The following GEMIN4 variants were observed in gnomAD, a reference collection of about 807,000 sequenced individuals.
GEMIN4 encodes gem nuclear organelle associated protein 4.
A neutral mutation model predicts 76.8 loss-of-function variants in GEMIN4; 59 were observed. That is an observed-to-expected ratio of 0.77 (90% CI 0.62 to 0.95). GEMIN4 has a LOEUF of 0.95. GEMIN4 is among the 40% of genes least tolerant of loss of function. GEMIN4 has a pLI of 0.00. For missense variants in GEMIN4, 1,311 were observed against 1,318.9 expected (o/e 0.99, Z 0.09); for synonymous variants, 562 against 559.7 (o/e 1.00, Z -0.06).
chr17:746,898 C>T lies in GEMIN4; in HGVS notation c.1145G>A (p.Cys382Tyr). 1.2e-6 allele frequency: 2 copies of T among 1,613,666 alleles called. No individual in the cohort carries two copies. Among genetic ancestry groups the T allele is most frequent in the Non-Finnish European group, 1.7e-6 (2 of 1,179,714 alleles). The change falls in exon 2 of 2, where the codon TGT becomes TAT. Residue 382 changes from cysteine (C) to tyrosine (Y), a missense_variant. Around this residue, in one of 2 missense-constraint regions of GEMIN4, gnomAD observed 1,208 missense variants for 1,166.9 expected, o/e 1.04. Transcript: ENST00000319004. The surrounding 1 kb of genome is among the most constrained non-coding windows in gnomAD (Gnocchi z 4.3). ...CGTTTTCCTCAGGAAGTCCCTGACACACTCCGCCAGCTCAGAGACCACCTG... is the reference window on the plus strand; with the variant it reads ...CGTTTTCCTCAGGAAGTCCCTGACATACTCCGCCAGCTCAGAGACCACCTG... ...DRQVVSELAE[C>Y]VRDFLRKTST...
upstream of GEMIN4, chr17:752,299 C>T: frequency 8.2e-7 from 1 of 1,224,062 alleles, no homozygotes; most frequent in Non-Finnish European, 1.0e-6. Context: ...ACAGCCTCCG[C>T]CGCGCACGCG....
In GEMIN4 at chr17:748,452, A is replaced by G. The variant is rs180760973; in HGVS notation, c.11-420T>C. On this transcript the variant is annotated intron_variant, in intron 1 of 1. Transcript: ENST00000319004. ...GGGATCACCGGAACCAAGACGGTGA[A>G]TGAGATCCTTCAGGAAAAGTGTGTG... 185 of 179,298 alleles carry G rather than the reference A, an allele frequency of 1.0e-3. 1 individual carries two copies. The highest frequency in any genetic ancestry group is 4.2e-3 in the African/African-American group (175 of 42,056). The allele number at this position is 179,298 out of a possible 1,614,324, so 11.1% of individuals were successfully genotyped here.
chr17:747,393 G>C lies in GEMIN4; in HGVS notation c.650C>G (p.Ala217Gly). The change falls in exon 2 of 2, where the codon GCC (alanine) becomes GGC (glycine). Residue 217 changes from alanine (A) to glycine (G), a missense_variant. Coordinates refer to ENST00000319004, the MANE Select transcript of GEMIN4 (RefSeq NM_015721.3). ...CTGTGTCAGCCCGCGGAGCAGCATG[G>C]CCAACAGGGGCATGGTGGGGCACGC... ...PDACPTMPLL[A>G]MLLRGLTQIQ... 1 of 1,613,806 alleles carries C rather than the reference G, an allele frequency of 6.2e-7. No homozygotes were observed. The highest frequency in any genetic ancestry group is 8.5e-7 in the Non-Finnish European group (1 of 1,179,870).
intron 1 of GEMIN4, chr17:750,126 C>G (rs1199326484): frequency 3.1e-6 from 1 of 327,160 alleles, no homozygotes; most frequent in Non-Finnish European, 4.4e-6. Context: ...GGGGCTGAGG[C>G]AGGTGGATCC....
In GEMIN4 at chr17:746,737, C is replaced by T. The variant is rs767299094; in HGVS notation, c.1306G>A (p.Glu436Lys). 1.1e-5 allele frequency: 18 copies of T among 1,613,574 alleles called. No homozygotes were observed. The highest frequency in any genetic ancestry group is 8.3e-5 in the Admixed American group (5 of 59,992). Residue 436 changes from glutamate (E) to lysine (K), a missense_variant, in exon 2 of 2, where the codon GAG (glutamate) becomes AAG (lysine). Glu to Lys is a moderately conservative substitution (Grantham distance 56). Around this residue, in one of 2 missense-constraint regions of GEMIN4, gnomAD observed 1,208 missense variants for 1,166.9 expected, o/e 1.04. Transcript: ENST00000319004. The surrounding 1 kb of genome is among the most constrained non-coding windows in gnomAD (Gnocchi z 4.3). ...ASEKKWAFSD[E>K]WVACLGSNRA... ...TTACTCCCCAGGCAGGCTACCCACT[C>T]GTCCGAGAAGGCCCACTTCTTCTCA...
At chr17:752,729 C>T, upstream of GEMIN4, 1 of 580,120 alleles carries the variant, frequency 1.7e-6, no homozygotes, top group Non-Finnish European at 2.2e-6. Flanking sequence ...TGAGCCCAAA[C>T]ATGGTGGGGT....
rs1413635458 is a variant in GEMIN4, at chr17:745,721, C to T, written c.2322G>A (p.Leu774=). 1.2e-6 allele frequency: 2 copies of T among 1,606,064 alleles called. No individual in the cohort carries two copies. The highest frequency in any genetic ancestry group is 2.2e-5 in the South Asian group (2 of 89,970). The change falls in exon 2 of 2, where the codon CTG becomes CTA. Residue 774 remains leucine, a synonymous_variant. Coordinates refer to ENST00000319004, the MANE Select transcript of GEMIN4 (RefSeq NM_015721.3). This position sits in a 1 kb window ranked among gnomAD's most constrained non-coding sequence, Gnocchi z 4.6. The stretch of plus-strand genomic sequence containing the variant: ...TGAAGTGCCCCTCGAAGAAGCTCTT[C>T]AGCCTCAGGCCCACAGTCCAGTCTA... ...EQLDWTVGLR[L]KSFFEGHFKC... is the part of the protein sequence containing the mutation.
At chr17:750,867 C>T (rs1015779990) in intron 1 of GEMIN4, among the ~76,000 whole-genome samples, 4 of 152,204 alleles carry the variant, frequency 2.6e-5, no homozygotes, top group African/African-American at 4.8e-5. Context: ...GGGAGGGTTA[C>T]GCTGCGAAGG....
chr17:748,067 G>C, intron 1 of GEMIN4, 35 bp from the exon 2 acceptor site: 1 of 1,513,010 alleles, frequency 6.6e-7, no homozygotes, highest in South Asian at 1.3e-5. Flanking sequence ...ACAGTATAGT[G>C]AAAATGTTTC....
rs754999536 is a variant in GEMIN4, at chr17:746,181, T to C, written c.1862A>G (p.Glu621Gly). 3.1e-6 allele frequency: 5 copies of C among 1,613,872 alleles called. No homozygotes were observed. The highest frequency in any genetic ancestry group is 4.2e-6 in the Non-Finnish European group (5 of 1,179,900). ...GTTCAGGAGCTCTAAAAATTGCTTT[T>C]CTTCCTTGGGTGTAGAGAACTTCAT... ...VWMKFSTPKEEKQFLELLNCL... is the reference protein window; with the variant it reads ...VWMKFSTPKEGKQFLELLNCL... Residue 621 changes from glutamate (E) to glycine (G), a missense_variant, in exon 2 of 2, where the codon GAA becomes GGA. Coordinates refer to ENST00000319004, the MANE Select transcript of GEMIN4 (RefSeq NM_015721.3). The surrounding 1 kb of genome is among the most constrained non-coding windows in gnomAD (Gnocchi z 4.3).
At chr17:750,107 G>C in intron 1 of GEMIN4, 1 of 506,010 alleles carries the variant, frequency 2.0e-6, no homozygotes, top group South Asian at 8.4e-5. Context: ...TGTAATCCCA[G>C]CTACTTGGGG....
In GEMIN4 at chr17:745,339, G is replaced by A. The variant is rs767411807; in HGVS notation, c.2704C>T (p.Leu902=). The change falls in exon 2 of 2, where the codon CTG becomes TTG. Residue 902 remains leucine (L), a synonymous_variant. Transcript: ENST00000319004. This position sits in a 1 kb window ranked among gnomAD's most constrained non-coding sequence, Gnocchi z 4.6. ...TGCAACTCCTGGGCAAAGGGCTTCAGGTTGAGCAGGGGAACAAACTGAATA... is the reference window on the plus strand; with the variant it reads ...TGCAACTCCTGGGCAAAGGGCTTCAAGTTGAGCAGGGGAACAAACTGAATA... ...EYIQFVPLLN[L]KPFAQELQLS... The A allele has an allele frequency of 1.9e-6, 3 of 1,613,050 alleles. No individual in the cohort carries two copies. In the South Asian group the frequency reaches 3.3e-5, roughly 18 times the overall value.
upstream of GEMIN4, chr17:753,508 G>A: frequency 6.2e-6 from 1 of 160,358 alleles, no homozygotes; most frequent in South Asian, 1.3e-4. Context: ...CTGGCTGAGG[G>A]CTCCTCGGGA....
intron 1 of GEMIN4, chr17:750,003 A>G: frequency 1.0e-6 from 1 of 983,546 alleles, no homozygotes; most frequent in Non-Finnish European, 1.2e-6. Context: ...TTACCATGGA[A>G]AACATCTTGG....
rs932893502 is a variant in GEMIN4, at chr17:745,624, G to C, written c.2419C>G (p.Pro807Ala). ...AGCCCCGTGCCAGCCCCGTACCCTG[G>C]GTGGGCCTGGGAGGTCCACTCGTCT... ...SEDEWTSQAH[P>A]GYGAGTGLLA... Residue 807 changes from proline to alanine, a missense_variant, in exon 2 of 2, where the codon CCA (proline) becomes GCA (alanine). Coordinates refer to ENST00000319004, the MANE Select transcript of GEMIN4 (RefSeq NM_015721.3). The surrounding 1 kb of genome is among the most constrained non-coding windows in gnomAD (Gnocchi z 4.6). 8.5e-5 allele frequency: 136 copies of C among 1,604,322 alleles called. No individual in the cohort carries two copies. Among genetic ancestry groups the C allele is most frequent in the Non-Finnish European group, 1.1e-4 (131 of 1,176,262 alleles).
rs376526336 is a variant in GEMIN4 at position 746,399 on chromosome 17, G to A, written c.1644C>T (p.Ser548=). 9 of 1,613,762 alleles carry A rather than the reference G, an allele frequency of 5.6e-6. No individual in the cohort carries two copies. The highest frequency in any genetic ancestry group is 1.6e-4 in the Middle Eastern group (1 of 6,084). The change falls in exon 2 of 2, where the codon TCC becomes TCT. Residue 548 remains serine (S), a synonymous_variant. Transcript: ENST00000319004. This position sits in a 1 kb window ranked among gnomAD's most constrained non-coding sequence, Gnocchi z 4.3. ...GGTGCACTATGACCAGGCGGGCCAC[G>A]GAGGCCACAGCTTTTGCCAAGCCCT... The part of the protein sequence containing the change: ...SEQGLAKAVA[S]VARLVIVHPE...
At chr17:751,654 G>A (rs926260660) in intron 1 of GEMIN4, 2 of 155,680 alleles carry the variant, frequency 1.3e-5, no homozygotes, top group Non-Finnish European at 2.8e-5. Context: ...ACTGTACCTC[G>A]GCGATCTCAA....
rs1006960575 is a variant in GEMIN4 at position 750,104 on chromosome 17, C to T, written c.10+2029G>A. 4 of 543,280 alleles carry T rather than the reference C, an allele frequency of 7.4e-6. No homozygotes were observed. In the Admixed American group the frequency reaches 1.9e-4, roughly 26 times the overall value. 33.7% of individuals were successfully genotyped at this position (543,280 alleles called of 1,614,324 possible). ...GGTTCAGTGGCTAGCACTTGTAATC[C>T]CAGCTACTTGGGGGGCTGAGGCAGG... On this transcript the variant is annotated intron_variant, in intron 1 of 1. Coordinates refer to ENST00000319004, the MANE Select transcript of GEMIN4 (RefSeq NM_015721.3).
At chr17:752,649 C>G, upstream of GEMIN4, 1 of 1,019,012 alleles carries the variant, frequency 9.8e-7, no homozygotes, top group Non-Finnish European at 1.2e-6. Context: ...CGCGCCGCCC[C>G]CTCCAGACAG....
Sources: gnomAD v4.1 joint callset for allele counts (sites outside exome capture counted in the v4.1 genomes callset) on GRCh38, gnomAD v4.1.1 for gene constraint, gnomAD v4.1.1 regional missense constraint, Gnocchi (gnomAD v3.1) non-coding constraint, MANE v1.5 for transcripts, NCBI Gene and HGNC (gene_info 2026-07-23, HGNC 2026-07-21) for gene names.